Variants in LMLN observed in about 807,000 individuals in gnomAD.
The protein encoded by LMLN is leishmanolysin like peptidase, also known as leishmanolysin-like peptidase.
Under a neutral mutation model 92.3 loss-of-function variants are expected in LMLN, and 70 were observed. The observed-to-expected ratio is 0.76, with a 90% CI of 0.63 to 0.92. The LOEUF is 0.92. Ranked by LOEUF, LMLN falls within the 40% of genes least tolerant of loss-of-function variation. The pLI is 0.00. For synonymous variants in LMLN, 308 were observed against 296.2 expected, an observed-to-expected ratio of 1.04 and a Z score of -0.41; for missense variants, 691 against 814.6, an observed-to-expected ratio of 0.85 and a Z score of 1.85.
chr3:198,020,768 A>ATTTTTTTTTTTTTTTTT lies in LMLN; in HGVS notation c.1366-662_1366-646dup. Among the ~76,000 whole-genome samples, 85 of 32,872 alleles carry ATTTTTTTTTTTTTTTTT rather than the reference A, an allele frequency of 2.6e-3. 7 individuals carry two copies. Among genetic ancestry groups the ATTTTTTTTTTTTTTTTT allele is most frequent in the African/African-American group, 3.5e-3 (29 of 8,332 alleles). The allele number at this position is 32,872 out of a possible 152,430, so 21.6% of individuals were successfully genotyped here. ...GCCACCACACCCAGCTAATTTTTGT[A>ATTTTTTTTTTTTTTTTT]TTTTTTTTTTTTTTTTTTTTTTTTT... is the stretch of plus-strand genomic sequence containing the variant. On this transcript the variant is annotated intron_variant, in intron 12 of 15. Coordinates refer to ENST00000330198, the Ensembl canonical transcript of LMLN.
chr3:197,965,771 G>T (rs1023555851), intron 1 of LMLN, among the ~76,000 whole-genome samples: 16 of 152,110 alleles, frequency 1.1e-4, no homozygotes, highest in African/African-American at 3.9e-4. Context: ...AAAATTAGTT[G>T]GGTGTGGTGT....
At chr3:198,038,656 A>G in exon 16 of LMLN, 1 of 1,609,836 alleles carries the variant, frequency 6.2e-7, no homozygotes, top group Non-Finnish European at 8.5e-7. Context: ...TCTTCTGTGT[A>G]TATGGCACTA....
At chr3:197,980,054 C>T (rs540487015) in intron 5 of LMLN, among the ~76,000 whole-genome samples, 7 of 151,966 alleles carry the variant, frequency 4.6e-5, no homozygotes, top group African/African-American at 1.7e-4. Context: ...TTTCAGCGTC[C>T]TGTTTGGTTG....
At chr3:198,014,772 CCCT>C (rs1722572327) in intron 11 of LMLN, among the ~76,000 whole-genome samples, 1 of 133,908 alleles carries the variant, frequency 7.5e-6, no homozygotes, top group Non-Finnish European at 1.6e-5. Flanking sequence ...CTTCAGAGCC[CCCT>C]AACTAGTCTG....
At chr3:197,996,775 TTA>T (rs2109894001) in intron 10 of LMLN, among the ~76,000 whole-genome samples, 1 of 152,304 alleles carries the variant, frequency 6.6e-6, no homozygotes, top group East Asian at 1.9e-4. Flanking sequence ...ATTAAAATTT[TTA>T]TGTTTTTTAG....
At chr3:198,020,768 ATTTTTTTTTTTTTTTT>A (rs71166715) in intron 12 of LMLN, among the ~76,000 whole-genome samples, 9 of 32,860 alleles carry the variant, frequency 2.7e-4, no homozygotes, top group East Asian at 2.3e-3. Flanking sequence ...TAATTTTTGT[ATTTTTTTTTTTTTTTT>A]TTTTTTTTTT....
chr3:197,981,782 T>C (rs1721563718), intron 6 of LMLN, among the ~76,000 whole-genome samples: 1 of 151,826 alleles, frequency 6.6e-6, no homozygotes, highest in South Asian at 2.1e-4. Context: ...AGCGATTAGC[T>C]GACTTCAAAG....
chr3:197,996,958 G>A (rs545422072), intron 10 of LMLN, among the ~76,000 whole-genome samples: 22 of 151,938 alleles, frequency 1.4e-4, no homozygotes, highest in East Asian at 1.4e-3. Context: ...ACTCTAGTCT[G>A]TGTGTTCGTT....
chr3:198,036,085 G>A (rs753887363), intron 15 of LMLN, 42 bp downstream of exon 16: 1 of 1,533,738 alleles, frequency 6.5e-7, no homozygotes, highest in Admixed American at 1.7e-5. Flanking sequence ...GAAAAGTGAA[G>A]GAGGTGAACT....
At chr3:197,985,653 A>G (rs1322356406) in intron 7 of LMLN, 143 bp from the exon 8 acceptor site, 2 of 491,440 alleles carry the variant, frequency 4.1e-6, no homozygotes, top group African/African-American at 1.9e-5. Flanking sequence ...TTGTTGTTCA[A>G]TTCCAGCGTA....
At chr3:197,979,371 A>G (rs1721491467) in intron 5 of LMLN, among the ~76,000 whole-genome samples, 1 of 151,774 alleles carries the variant, frequency 6.6e-6, no homozygotes, top group Non-Finnish European at 1.5e-5. Context: ...TGACCATTAC[A>G]GAGGCAAATA....
chr3:198,033,830 GA>G (rs1222383478), intron 14 of LMLN, among the ~76,000 whole-genome samples: 1 of 152,250 alleles, frequency 6.6e-6, no homozygotes, highest in Non-Finnish European at 1.5e-5. Context: ...TCGCTTTAAA[GA>G]ATAATGATGT....
At chr3:197,964,833 C>A (rs1436594331) in intron 1 of LMLN, among the ~76,000 whole-genome samples, 1 of 151,818 alleles carries the variant, frequency 6.6e-6, no homozygotes, top group East Asian at 1.9e-4. Context: ...CATGGCGAGA[C>A]CTGTCTCTAC....
chr3:198,024,551 A>G lies in LMLN; in HGVS notation c.1526-107A>G, dbSNP rs561314614. ...TTTAAATTTAAAATTTCCATGAAAC[A>G]TGTCTGATTTTTAAAGCAACTTTTA... is the stretch of plus-strand genomic sequence containing the variant. On this transcript the variant is annotated intron_variant, in intron 13 of 15. Transcript: ENST00000330198. 2.4e-4 allele frequency: 253 copies of G among 1,046,636 alleles called. 1 individual carries two copies. The South Asian group carries it at 4.4e-3, about 18-fold the overall frequency. The allele number at this position is 1,046,636 out of a possible 1,614,324, so 64.8% of individuals were successfully genotyped here. A position where few individuals can be genotyped will look rare whatever the true frequency, so the allele number is the denominator to read the frequency against.
intron 13 of LMLN, among the ~76,000 whole-genome samples, chr3:198,022,586 T>C (rs1056884967): frequency 2.0e-5 from 3 of 152,244 alleles, no homozygotes; most frequent in African/African-American, 7.2e-5. Flanking sequence ...CCAGGCGCAG[T>C]GGCTCACGCC....
chr3:198,006,517 C>T (rs574009801), intron 11 of LMLN, among the ~76,000 whole-genome samples: 6 of 152,206 alleles, frequency 3.9e-5, no homozygotes, highest in South Asian at 4.2e-4. Flanking sequence ...CTGACAGTGA[C>T]GTGTAAGTGA....
exon 6 of LMLN, chr3:197,980,403 A>C (rs925851517): frequency 6.2e-6 from 10 of 1,614,004 alleles, no homozygotes; most frequent in East Asian, 4.5e-5. Context: ...TCTCAGATGC[A>C]GACTTTGTTC....
At chr3:198,036,099 C>T (rs895660019) in intron 15 of LMLN, 56 bp downstream of exon 16, 13 of 1,474,454 alleles carry the variant, frequency 8.8e-6, no homozygotes, top group East Asian at 4.5e-5. Flanking sequence ...GTGAACTTCT[C>T]TTATAAAATG....
chr3:198,018,987 A>G (rs1038796638), intron 11 of LMLN, among the ~76,000 whole-genome samples: 10 of 152,258 alleles, frequency 6.6e-5, no homozygotes, highest in South Asian at 2.1e-4. Flanking sequence ...TATTCACACA[A>G]TCTTTATTTT....
Sources: gnomAD v4.1 joint callset for allele counts (sites outside exome capture counted in the v4.1 genomes callset) on GRCh38, gnomAD v4.1.1 for gene constraint, MANE v1.5 for transcripts, NCBI Gene and HGNC (gene_info 2026-07-23, HGNC 2026-07-21) for gene names.